Variants in SLC35F4 observed in about 807,000 individuals in gnomAD.
SLC35F4 encodes the protein solute carrier family 35 member F4.
In SLC35F4, 24 loss-of-function variants were observed where a neutral mutation model predicts 44.2. That is an observed-to-expected ratio of 0.54 (90% CI 0.39 to 0.76). SLC35F4 has a LOEUF of 0.76. Among genes scored for constraint, SLC35F4 ranks in the 30% least tolerant of loss-of-function variants. The pLI, the probability that SLC35F4 is intolerant of heterozygous loss-of-function variation, is 0.00. For missense variants in SLC35F4, 562 were observed against 586.1 expected, an observed-to-expected ratio of 0.96 and a Z score of 0.42; for synonymous variants, 238 against 223.6, an observed-to-expected ratio of 1.06 and a Z score of -0.57.
At chr14:57,877,438 T>C (rs1888421161) in intron 1 of SLC35F4, among the ~76,000 whole-genome samples, 1 of 152,198 alleles carries the variant, frequency 6.6e-6, no homozygotes, top group Non-Finnish European at 1.5e-5. Context: ...TGTCTGCTAT[T>C]GTGAATATTG....
At chr14:57,659,808 C>T (rs2074079246) in intron 1 of SLC35F4, among the ~76,000 whole-genome samples, 1 of 152,096 alleles carries the variant, frequency 6.6e-6, no homozygotes, top group South Asian at 2.1e-4. Flanking sequence ...TAAACTTTAC[C>T]TCCTCAAAAT....
chr14:57,925,995 A>G (rs1889562103), intron 1 of SLC35F4, among the ~76,000 whole-genome samples: 1 of 152,174 alleles, frequency 6.6e-6, no homozygotes. Flanking sequence ...TTGTGCCTGA[A>G]TCACCATCTA....
intron 3 of SLC35F4, among the ~76,000 whole-genome samples, chr14:57,584,158 G>T (rs79973383): frequency 0.14 from 21,773 of 151,846 alleles, 1,835 homozygotes; most frequent in East Asian, 0.23. Context: ...TTAATAATAT[G>T]GTATATATTT....
chr14:57,772,496 T>C (rs556537033), intron 1 of SLC35F4, among the ~76,000 whole-genome samples: 16 of 152,330 alleles, frequency 1.1e-4, no homozygotes, highest in Middle Eastern at 3.4e-3. Flanking sequence ...TTGTACCTAA[T>C]AGGTAATTTT....
At chr14:57,572,131 T>G (rs776444752) in intron 4 of SLC35F4, 112 bp from the exon 5 acceptor site, 9 of 1,239,068 alleles carry the variant, frequency 7.3e-6, no homozygotes, top group Non-Finnish European at 1.0e-5. Context: ...CTAATTACCT[T>G]TTGTACATCA....
chr14:57,693,711 A>G (rs892053275), intron 1 of SLC35F4, among the ~76,000 whole-genome samples: 4 of 152,206 alleles, frequency 2.6e-5, no homozygotes, highest in African/African-American at 9.6e-5. Flanking sequence ...TTCCCACTCC[A>G]CACCTCTATA....
chr14:57,955,690 A>G (rs1318779080), intron 1 of SLC35F4, among the ~76,000 whole-genome samples: 4 of 152,148 alleles, frequency 2.6e-5, no homozygotes, highest in Non-Finnish European at 4.4e-5. Flanking sequence ...CCCATTCACA[A>G]TTGCTACAAA....
At chr14:57,902,564 A>AG (rs745658495) in intron 1 of SLC35F4, among the ~76,000 whole-genome samples, 1 of 57,546 alleles carries the variant, frequency 1.7e-5, no homozygotes, top group Non-Finnish European at 3.2e-5. Flanking sequence ...ACTCAGTCTC[A>AG]AAAAAAAAAA....
intron 1 of SLC35F4, among the ~76,000 whole-genome samples, chr14:57,852,862 G>A (rs546860566): frequency 6.6e-6 from 1 of 152,148 alleles, no homozygotes; most frequent in Admixed American, 6.5e-5. Flanking sequence ...AGGCTCTAAC[G>A]CTCTTAGGAA....
Position 57,950,354 on chromosome 14 carries a change from T to TG in SLC35F4, n.282+31558dup, listed in dbSNP as rs997211064. On this transcript the variant is annotated intron_variant and non_coding_transcript_variant, in intron 1 of 1. Transcript: ENST00000556568. ...CCACTGCATTTTGTATTTCTTTACGTGTGTCTTTCATTTCCAGAAGCTGTG... is the reference window on the plus strand; with the variant it reads ...CCACTGCATTTTGTATTTCTTTACGTGGTGTCTTTCATTTCCAGAAGCTGTG... Among the ~76,000 whole-genome samples, 4 of 152,118 alleles carry TG rather than the reference T, an allele frequency of 2.6e-5. No individual in the cohort carries two copies. In the East Asian group the frequency reaches 7.7e-4, roughly 29 times the overall value.
intron 1 of SLC35F4, among the ~76,000 whole-genome samples, chr14:57,901,376 T>C (rs941537596): frequency 4.6e-5 from 7 of 152,112 alleles, no homozygotes; most frequent in African/African-American, 1.7e-4. Flanking sequence ...TGCAGAGACA[T>C]GGATGGAGCT....
intron 1 of SLC35F4, among the ~76,000 whole-genome samples, chr14:57,609,169 G>A (rs377583453): frequency 7.2e-5 from 11 of 152,196 alleles, no homozygotes; most frequent in African/African-American, 2.4e-4. Flanking sequence ...TGGATCGATG[G>A]ATGGATGGAT....
chr14:57,611,966 C>T (rs1317729132), intron 1 of SLC35F4, among the ~76,000 whole-genome samples: 1 of 152,182 alleles, frequency 6.6e-6, no homozygotes, highest in Non-Finnish European at 1.5e-5. Context: ...TAAGATCTTA[C>T]AAGGTCAGCC....
At chr14:57,803,366 C>CTT (rs1336822952) in intron 1 of SLC35F4, among the ~76,000 whole-genome samples, 1 of 152,094 alleles carries the variant, frequency 6.6e-6, no homozygotes, top group African/African-American at 2.4e-5. Flanking sequence ...TGGGCAAAAG[C>CTT]TAGAAGCATT....
chr14:57,865,354 T>C (rs1013973969), intron 1 of SLC35F4, among the ~76,000 whole-genome samples: 1 of 148,046 alleles, frequency 6.8e-6, no homozygotes, highest in African/African-American at 2.5e-5. Context: ...ATGTATCCCC[T>C]AGGGCTGACT....
chr14:57,790,580 G>A lies in SLC35F4; in HGVS notation c.103+75143C>T, dbSNP rs148426094. On this transcript the variant is annotated intron_variant, in intron 1 of 7. Coordinates refer to ENST00000556826, the MANE Select transcript of SLC35F4 (RefSeq NM_001306087.2). ...ACTGCCCAAAGTAATTTACAGATTC[G>A]ATGCTCTTCTCATCAAGCTACCATT... 9.8e-3 allele frequency among the ~76,000 whole-genome samples: 1,485 copies of A among 152,126 alleles called. 28 individuals are homozygous for A. The highest frequency in any genetic ancestry group is 0.034 in the African/African-American group (1,416 of 41,510).
At chr14:57,943,855 T>C (rs1292933700) in intron 1 of SLC35F4, among the ~76,000 whole-genome samples, 1 of 152,220 alleles carries the variant, frequency 6.6e-6, no homozygotes, top group African/African-American at 2.4e-5. Flanking sequence ...TACTTTCTTC[T>C]TTCTTGGACT....
chr14:57,830,469 G>T (rs57267953), intron 1 of SLC35F4, among the ~76,000 whole-genome samples: 4,302 of 152,246 alleles, frequency 0.028, 117 homozygotes, highest in African/African-American at 0.074. Flanking sequence ...CCCCAAATAT[G>T]AAGTTACAAC....
chr14:57,934,265 T>C (rs1232852652), intron 1 of SLC35F4, among the ~76,000 whole-genome samples: 1 of 150,654 alleles, frequency 6.6e-6, no homozygotes, highest in Admixed American at 6.6e-5. Flanking sequence ...ATTAACTAGG[T>C]TGTGGGGAGT....
Sources: gnomAD v4.1 joint callset for allele counts (sites outside exome capture counted in the v4.1 genomes callset) on GRCh38, gnomAD v4.1.1 for gene constraint, MANE v1.5 for transcripts, NCBI Gene and HGNC (gene_info 2026-07-23, HGNC 2026-07-21) for gene names.